PHF21B: variants seen among roughly 807,000 people sequenced by gnomAD.
PHF21B encodes PHD finger protein 4.
In PHF21B, 22 loss-of-function variants were observed where a neutral mutation model predicts 62.2. The observed-to-expected ratio is 0.35, with a 90% CI of 0.25 to 0.51. The LOEUF (loss-of-function observed/expected upper bound fraction) is 0.51, where lower values mean the gene tolerates loss of function less well. PHF21B is among the 20% of genes least tolerant of loss of function. The pLI, the probability that PHF21B is intolerant of heterozygous loss-of-function variation, is 0.97. For missense variants in PHF21B, 701 were observed against 707.9 expected (o/e 0.99, Z 0.11); for synonymous variants, 341 against 314.7 (o/e 1.08, Z -0.88).
At chr22:45,008,518 A>G (rs764052324) in intron 2 of PHF21B, 27 bp downstream of exon 2, 3 of 1,536,436 alleles carry the variant, frequency 2.0e-6, no homozygotes, top group South Asian at 2.4e-5. Context: ...GCCCCATCCC[A>G]GGGGGGGCCG....
intron 2 of PHF21B, among the ~76,000 whole-genome samples, chr22:44,950,613 T>C (rs2072174216): frequency 6.6e-6 from 1 of 152,226 alleles, no homozygotes; most frequent in African/African-American, 2.4e-5. Context: ...AAGGTTTGTC[T>C]TTTAATGCAA....
intron 2 of PHF21B, among the ~76,000 whole-genome samples, chr22:44,952,835 C>T (rs534918473): frequency 3.3e-5 from 5 of 152,306 alleles, no homozygotes; most frequent in East Asian, 1.9e-4. Flanking sequence ...GGGTGCTAGG[C>T]GCAGATTCTC....
chr22:44,976,345 T>G (rs984109428), intron 2 of PHF21B, among the ~76,000 whole-genome samples: 1 of 152,204 alleles, frequency 6.6e-6, no homozygotes, highest in Non-Finnish European at 1.5e-5. Context: ...CTCTTCACAC[T>G]GTCTTAAGAT....
chr22:44,987,490 C>T (rs775478438), intron 2 of PHF21B, among the ~76,000 whole-genome samples: 21 of 152,148 alleles, frequency 1.4e-4, no homozygotes, highest in Non-Finnish European at 2.9e-4. Context: ...GAGCACACAG[C>T]GGTGCAAGGG....
intron 2 of PHF21B, among the ~76,000 whole-genome samples, chr22:44,985,672 G>A (rs6007403): frequency 0.069 from 10,447 of 152,172 alleles, 419 homozygotes; most frequent in Middle Eastern, 0.14. Context: ...AGATAATATG[G>A]GAGATAATAT....
At chr22:44,922,213 T>A (rs1219764174) in intron 2 of PHF21B, among the ~76,000 whole-genome samples, 1 of 152,272 alleles carries the variant, frequency 6.6e-6, no homozygotes, top group Non-Finnish European at 1.5e-5. Context: ...TGAAAGTCAG[T>A]CTGTGTAATT....
At chr22:44,939,524 C>A (rs136695) in intron 2 of PHF21B, among the ~76,000 whole-genome samples, 122,823 of 152,222 alleles carry the variant, frequency 0.81, 49,996 homozygotes, top group Admixed American at 0.85. Context: ...GGGGGCTCAA[C>A]GCATCTGTGA....
At chr22:44,920,565 A>T in intron 2 of PHF21B, 75 bp from the exon 3 acceptor site, 1 of 1,036,784 alleles carries the variant, frequency 9.6e-7, no homozygotes, top group African/African-American at 1.6e-5. Context: ...AGCCTGGCCA[A>T]GCAGGGGGCA....
chr22:44,894,654 G>A (rs1469314738), intron 6 of PHF21B, among the ~76,000 whole-genome samples: 3 of 152,204 alleles, frequency 2.0e-5, no homozygotes, highest in Admixed American at 6.5e-5. Flanking sequence ...AACCATGCAC[G>A]CAGAAGGGTG....
At chr22:44,948,803 T>C (rs2072131544) in intron 2 of PHF21B, among the ~76,000 whole-genome samples, 1 of 152,232 alleles carries the variant, frequency 6.6e-6, no homozygotes, top group Non-Finnish European at 1.5e-5. Context: ...TATTCCACTT[T>C]GACTTTTATC....
chr22:44,962,978 A>G (rs891511689), intron 2 of PHF21B, among the ~76,000 whole-genome samples: 1 of 152,152 alleles, frequency 6.6e-6, no homozygotes, highest in Non-Finnish European at 1.5e-5. Flanking sequence ...GCATTACTTC[A>G]TGGTTTGCAA....
chr22:44,954,193 T>TAA (rs143299618), intron 2 of PHF21B, among the ~76,000 whole-genome samples: 1 of 150,840 alleles, frequency 6.6e-6, no homozygotes, highest in Non-Finnish European at 1.5e-5. Context: ...TTCTTGTTGT[T>TAA]AAAAAAAAAA....
chr22:44,949,301 C>CAAAAAAAAAAA (rs1173438062), intron 2 of PHF21B, among the ~76,000 whole-genome samples: 17 of 42,398 alleles, frequency 4.0e-4, no homozygotes, highest in East Asian at 8.0e-4. Flanking sequence ...AACTCCATCT[C>CAAAAAAAAAAA]AAAAAAAAGA....
intron 2 of PHF21B, among the ~76,000 whole-genome samples, chr22:44,978,357 T>C (rs2072776880): frequency 6.6e-6 from 1 of 152,062 alleles, no homozygotes; most frequent in Non-Finnish European, 1.5e-5. Context: ...ATTTTGTTTT[T>C]GTTTGTTTTG....
chr22:44,900,217 A>C (rs1391759303), intron 5 of PHF21B, among the ~76,000 whole-genome samples: 1 of 152,160 alleles, frequency 6.6e-6, no homozygotes, highest in Non-Finnish European at 1.5e-5. Context: ...TGCTCACCCC[A>C]GTGCTGGTAC....
chr22:45,008,460 C>T (rs1177557306), intron 2 of PHF21B, 85 bp downstream of exon 2: 2 of 1,320,504 alleles, frequency 1.5e-6, no homozygotes, highest in Non-Finnish European at 2.0e-6. Flanking sequence ...GTGCGTCGCC[C>T]AGGCTGGCAC....
chr22:44,916,101 T>C lies in PHF21B; in HGVS notation c.564+179A>G, dbSNP rs564915733. 4.2e-4 allele frequency among the ~76,000 whole-genome samples: 64 copies of C among 152,362 alleles called. 1 individual carries two copies. Among genetic ancestry groups the C allele is most frequent in the Middle Eastern group, 3.4e-3 (1 of 294 alleles). ...CACTCCCTTAATCATGTGTTCATAC[T>C]CCATTCATTCATTTGCTCCTCTGTT... is the stretch of plus-strand genomic sequence containing the variant. On this transcript the variant is annotated intron_variant, in intron 4 of 12. Coordinates refer to ENST00000313237, the MANE Select transcript of PHF21B (RefSeq NM_138415.5).
At chr22:45,001,446 G>C (rs893307548) in intron 2 of PHF21B, among the ~76,000 whole-genome samples, 2 of 152,266 alleles carry the variant, frequency 1.3e-5, no homozygotes, top group Non-Finnish European at 1.5e-5. Context: ...CCTCAGCACA[G>C]CACATCGTCC....
intron 2 of PHF21B, among the ~76,000 whole-genome samples, chr22:44,952,944 C>T (rs1476874040): frequency 6.8e-6 from 1 of 147,174 alleles, no homozygotes; most frequent in Non-Finnish European, 1.5e-5. Flanking sequence ...GCCCTGTGTG[C>T]TGGGCTGCCC....
Sources: allele counts gnomAD v4.1 joint callset (sites outside exome capture counted in the v4.1 genomes callset), GRCh38; gene constraint gnomAD v4.1.1; transcripts MANE v1.5; gene names NCBI Gene and HGNC (gene_info 2026-07-23, HGNC 2026-07-21).